The following PLPP4 variants were observed in gnomAD, a reference collection of about 807,000 sequenced individuals.
The protein encoded by PLPP4 is phospholipid phosphatase 4.
Under a neutral mutation model 32.2 loss-of-function variants are expected in PLPP4, and 20 were observed. The ratio of observed to expected loss-of-function variants is 0.62; its 90% CI spans 0.44 to 0.90. PLPP4 has a LOEUF of 0.90. Among genes scored for constraint, PLPP4 ranks in the 40% least tolerant of loss-of-function variants. The pLI is 0.00. For synonymous variants in PLPP4, 127 were observed against 133.0 expected, an observed-to-expected ratio of 0.95 and a Z score of 0.31; for missense variants, 257 against 353.1, an observed-to-expected ratio of 0.73 and a Z score of 2.18.
At chr10:120,505,011 T>C (rs1845430045) in intron 2 of PLPP4, among the ~76,000 whole-genome samples, 1 of 152,266 alleles carries the variant, frequency 6.6e-6, no homozygotes, top group African/African-American at 2.4e-5. Context: ...AATTGCCACA[T>C]GGCAGTTGTA....
intron 5 of PLPP4, among the ~76,000 whole-genome samples, chr10:120,573,348 C>A (rs1390613641): frequency 6.6e-6 from 1 of 152,002 alleles, no homozygotes; most frequent in Non-Finnish European, 1.5e-5. Context: ...GAAAAAAGTT[C>A]TACTTTGGTA....
intron 5 of PLPP4, among the ~76,000 whole-genome samples, chr10:120,528,296 C>G (rs963909004): frequency 2.0e-5 from 3 of 151,902 alleles, no homozygotes; most frequent in South Asian, 2.1e-4. Context: ...GGATGGTCTC[C>G]ATCTCCTGAC....
At chr10:120,484,985 T>A (rs943987320) in intron 1 of PLPP4, among the ~76,000 whole-genome samples, 3 of 152,054 alleles carry the variant, frequency 2.0e-5, no homozygotes, top group African/African-American at 7.2e-5. Context: ...ATTGCTAGCT[T>A]TGAAGATGAA....
chr10:120,499,521 A>T (rs1377366824), intron 1 of PLPP4, among the ~76,000 whole-genome samples: 1 of 151,986 alleles, frequency 6.6e-6, no homozygotes, highest in Non-Finnish European at 1.5e-5. Context: ...GGATCATGTT[A>T]AATGCAGACT....
rs1371332093 is a variant in PLPP4, at chr10:120,590,038, C to T, written c.*536C>T. 1.3e-5 allele frequency among the ~76,000 whole-genome samples: 2 copies of T among 152,174 alleles called. No homozygotes were observed. The highest frequency in any genetic ancestry group is 4.8e-5 in the African/African-American group (2 of 41,452). On this transcript the variant is annotated 3_prime_UTR_variant, in exon 7 of 7. Transcript: ENST00000398250. Reference sequence around the variant, plus strand: ...ATAGATTTGAAACTTGGAGTGACAGCTTGAGCATTTCCAGGGCTTTTGAAT... The same window carrying T: ...ATAGATTTGAAACTTGGAGTGACAGTTTGAGCATTTCCAGGGCTTTTGAAT...
chr10:120,529,645 G>A (rs1042271712), intron 5 of PLPP4, among the ~76,000 whole-genome samples: 4 of 152,108 alleles, frequency 2.6e-5, no homozygotes, highest in East Asian at 1.9e-4. Context: ...CCAGGAGTTC[G>A]AGACCAGCCT....
chr10:120,458,569 A>C (rs1458100737), intron 1 of PLPP4, among the ~76,000 whole-genome samples: 14 of 152,036 alleles, frequency 9.2e-5, no homozygotes, highest in Admixed American at 9.2e-4. Flanking sequence ...GCAGGGATTA[A>C]ATTCATCCAG....
chr10:120,501,522 A>G (rs1845248908), intron 1 of PLPP4, among the ~76,000 whole-genome samples: 1 of 152,162 alleles, frequency 6.6e-6, no homozygotes, highest in African/African-American at 2.4e-5. Context: ...TATTTTAGAG[A>G]TGAAGAAACT....
At chr10:120,541,758 A>G (rs1847350024) in intron 5 of PLPP4, among the ~76,000 whole-genome samples, 1 of 145,870 alleles carries the variant, frequency 6.9e-6, no homozygotes, top group Non-Finnish European at 1.5e-5. Context: ...TTCAAGAAGC[A>G]TGAAGTGCCA....
At chr10:120,509,100 G>A (rs1845622109) in intron 2 of PLPP4, among the ~76,000 whole-genome samples, 1 of 152,160 alleles carries the variant, frequency 6.6e-6, no homozygotes, top group Non-Finnish European at 1.5e-5. Flanking sequence ...GTGTCTTTAA[G>A]AACATGTCCC....
intron 5 of PLPP4, among the ~76,000 whole-genome samples, chr10:120,554,241 A>C (rs1035589151): frequency 6.6e-6 from 1 of 152,192 alleles, no homozygotes; most frequent in African/African-American, 2.4e-5. Flanking sequence ...AGTTCCGCAG[A>C]TCCCTAGAGC....
intron 1 of PLPP4, among the ~76,000 whole-genome samples, chr10:120,500,677 G>T (rs1010998427): frequency 1.3e-5 from 2 of 148,802 alleles, no homozygotes; most frequent in African/African-American, 4.9e-5. Flanking sequence ...GGTTTTTCTG[G>T]GGGTGGGGGG....
intron 1 of PLPP4, among the ~76,000 whole-genome samples, chr10:120,472,921 A>G (rs1381176800): frequency 2.0e-5 from 3 of 152,130 alleles, no homozygotes; most frequent in Non-Finnish European, 4.4e-5. Context: ...TCAGATATTC[A>G]TGAGTTCAGA....
chr10:120,508,581 G>A (rs55968831), intron 2 of PLPP4, among the ~76,000 whole-genome samples: 4 of 152,088 alleles, frequency 2.6e-5, no homozygotes, highest in Admixed American at 1.3e-4. Context: ...TCCCAGAAGC[G>A]CCCCGGCAGT....
intron 1 of PLPP4, among the ~76,000 whole-genome samples, chr10:120,478,582 A>C (rs1164667149): frequency 6.6e-6 from 1 of 152,258 alleles, no homozygotes; most frequent in Non-Finnish European, 1.5e-5. Context: ...ACCACAGTTA[A>C]CATTCTTGTG....
At chr10:120,548,340 T>C (rs1022906469) in intron 5 of PLPP4, among the ~76,000 whole-genome samples, 4 of 152,194 alleles carry the variant, frequency 2.6e-5, no homozygotes, top group East Asian at 1.9e-4. Flanking sequence ...CGTGGTTTTC[T>C]ATTTCTGCAT....
At chr10:120,479,930 T>C (rs1844119682) in intron 1 of PLPP4, among the ~76,000 whole-genome samples, 1 of 152,258 alleles carries the variant, frequency 6.6e-6, no homozygotes, top group South Asian at 2.1e-4. Flanking sequence ...TTCTCTATTA[T>C]TGAAAGGCTA....
chr10:120,579,831 G>A (rs1849398082), intron 6 of PLPP4, among the ~76,000 whole-genome samples: 1 of 151,826 alleles, frequency 6.6e-6, no homozygotes. Context: ...GTTGGGGCCG[G>A]GCGCGGTGGC....
At chr10:120,462,230 G>A (rs1296304992) in intron 1 of PLPP4, among the ~76,000 whole-genome samples, 1 of 151,654 alleles carries the variant, frequency 6.6e-6, no homozygotes, top group Non-Finnish European at 1.5e-5. Flanking sequence ...GGGCTTTGGG[G>A]TGGGTGGGTG....
Sources: gnomAD v4.1 joint callset for allele counts (sites outside exome capture counted in the v4.1 genomes callset) on GRCh38, gnomAD v4.1.1 for gene constraint, MANE v1.5 for transcripts, NCBI Gene and HGNC (gene_info 2026-07-23, HGNC 2026-07-21) for gene names.